TRIM67: variants seen among roughly 807,000 people sequenced by gnomAD.
The protein encoded by TRIM67 is tripartite motif-containing protein 67.
Under a neutral mutation model 71.0 loss-of-function variants are expected in TRIM67, and 39 were observed. The observed-to-expected ratio is 0.55, with a 90% CI of 0.43 to 0.72. The LOEUF (loss-of-function observed/expected upper bound fraction) is 0.72. Among genes scored for constraint, TRIM67 ranks in the 30% least tolerant of loss-of-function variants. TRIM67 has a pLI of 0.00. For synonymous variants in TRIM67, 481 were observed against 473.9 expected (o/e 1.01, Z -0.19); for missense variants, 973 against 1,079.2 (o/e 0.90, Z 1.38).
At position 231,213,726 on chromosome 1, in the gene TRIM67, G is replaced by C. The variant is rs1683933195; in HGVS notation, c.2124-89G>C. 3 of 1,444,332 alleles carry C rather than the reference G, an allele frequency of 2.1e-6. No homozygotes were observed. The Admixed American group carries it at 7.0e-5, about 34-fold the overall frequency. The allele number at this position is 1,444,332 out of a possible 1,614,324, so 89.5% of individuals were successfully genotyped here. On this transcript the variant is annotated intron_variant, in intron 8 of 9. Coordinates refer to ENST00000366653, the MANE Select transcript of TRIM67 (RefSeq NM_001004342.5). ...AGCCTGGGTGACAGAGTGAGACCGTGTCTCTAAATAAGTAAATAATTCTCC... is the reference window on the plus strand; with the variant it reads ...AGCCTGGGTGACAGAGTGAGACCGTCTCTCTAAATAAGTAAATAATTCTCC...
At position 231,209,330 on chromosome 1, in the gene TRIM67, C is replaced by T. The variant is rs1683802374; in HGVS notation, c.2123+80C>T. The T allele has an allele frequency of 2.8e-6, 4 of 1,412,974 alleles. 1 individual carries two copies. In the South Asian group the frequency reaches 4.7e-5, roughly 16 times the overall value. The allele number at this position is 1,412,974 out of a possible 1,614,324, so 87.5% of individuals were successfully genotyped here. A position where few individuals can be genotyped will look rare whatever the true frequency, so the allele number is the denominator to read the frequency against. On this transcript the variant is annotated intron_variant, in intron 8 of 9. Transcript: ENST00000366653. The surrounding 1 kb of genome is among the most constrained non-coding windows in gnomAD (Gnocchi z 4.1). ...GTCCTGAAGACCAGTGTCCCTTCTG[C>T]TGTCCCCAAAGCCAGGAGGAATTGA...
At chr1:231,188,351 T>C (rs1165240277) in intron 1 of TRIM67, among the ~76,000 whole-genome samples, 1 of 152,082 alleles carries the variant, frequency 6.6e-6, no homozygotes, top group East Asian at 1.9e-4. Flanking sequence ...ACATTTGAAA[T>C]CCTAATGAGC....
At chr1:231,185,267 G>C (rs1190470145) in intron 1 of TRIM67, 1 of 1,509,370 alleles carries the variant, frequency 6.6e-7, no homozygotes. Context: ...CTCACCCCTG[G>C]ACCAGCTCTC....
chr1:231,174,131 T>C lies in TRIM67; in HGVS notation c.1044+10118T>C, dbSNP rs191416238. 2.6e-3 allele frequency among the ~76,000 whole-genome samples: 397 copies of C among 150,806 alleles called. 3 individuals carry two copies. The highest frequency in any genetic ancestry group is 5.0e-3 in the Admixed American group (75 of 14,994). ...CACACAGTTCTTGGATGATCTCTTC[T>C]TTTTTCTTTTGTCTTATTTTCTTTT... On this transcript the variant is annotated intron_variant, in intron 1 of 9. Transcript: ENST00000366653.
At chr1:231,191,382 C>T (rs539450099) in intron 1 of TRIM67, among the ~76,000 whole-genome samples, 11 of 152,264 alleles carry the variant, frequency 7.2e-5, no homozygotes, top group South Asian at 4.1e-4. Context: ...TATCTTTATT[C>T]TGGTTACTGG....
chr1:231,198,814 G>T (rs772342720), intron 2 of TRIM67, among the ~76,000 whole-genome samples: 10 of 152,116 alleles, frequency 6.6e-5, no homozygotes, highest in Admixed American at 2.0e-4. Flanking sequence ...GGCATTAAAA[G>T]TGCCCTATGA....
chr1:231,176,922 A>AAAAAAAAC (rs1311729188), intron 1 of TRIM67, among the ~76,000 whole-genome samples: 1 of 148,134 alleles, frequency 6.8e-6, no homozygotes, highest in East Asian at 1.9e-4. Context: ...AAAAAAAAAA[A>AAAAAAAAC]ACACCTTTCA....
At chr1:231,164,234 G>A (rs373287792) in intron 1 of TRIM67, among the ~76,000 whole-genome samples, 17 of 152,226 alleles carry the variant, frequency 1.1e-4, no homozygotes, top group African/African-American at 4.1e-4. Flanking sequence ...GGTATGGAAA[G>A]ATGACTTATT....
At chr1:231,205,554 C>A (rs567739704) in intron 6 of TRIM67, among the ~76,000 whole-genome samples, 49 of 152,090 alleles carry the variant, frequency 3.2e-4, no homozygotes, top group African/African-American at 1.1e-3. Flanking sequence ...GGTGAAACCC[C>A]ATCTCTACTT....
chr1:231,211,913 A>T (rs1489358157), intron 8 of TRIM67, among the ~76,000 whole-genome samples: 1 of 152,132 alleles, frequency 6.6e-6, no homozygotes, highest in East Asian at 1.9e-4. Flanking sequence ...CGTCTCTATA[A>T]AATAATTTAA....
At chr1:231,169,475 G>A (rs2102713787) in intron 1 of TRIM67, among the ~76,000 whole-genome samples, 1 of 146,670 alleles carries the variant, frequency 6.8e-6, no homozygotes, top group Admixed American at 6.9e-5. Context: ...TGCCTCCTGG[G>A]TTCAAGTGAT....
intron 1 of TRIM67, among the ~76,000 whole-genome samples, chr1:231,196,921 G>A (rs1683381124): frequency 1.3e-5 from 2 of 152,210 alleles, no homozygotes; most frequent in South Asian, 4.1e-4. Flanking sequence ...GGCATACCAG[G>A]CCCCAGGGTT....
intron 1 of TRIM67, among the ~76,000 whole-genome samples, chr1:231,185,704 A>G (rs1166625484): frequency 6.6e-6 from 1 of 151,930 alleles, no homozygotes; most frequent in Admixed American, 6.5e-5. Context: ...GGACACAAAG[A>G]TGATTGAACG....
At chr1:231,182,167 C>T (rs1465226236) in intron 1 of TRIM67, among the ~76,000 whole-genome samples, 1 of 152,150 alleles carries the variant, frequency 6.6e-6, no homozygotes, top group African/African-American at 2.4e-5. Context: ...AGAAACTTCC[C>T]TGTCATCTTG....
chr1:231,171,634 C>T (rs946202199), intron 1 of TRIM67, among the ~76,000 whole-genome samples: 3 of 152,050 alleles, frequency 2.0e-5, no homozygotes. Context: ...TTGGAATTTC[C>T]TTTTGTGAAG....
intron 1 of TRIM67, among the ~76,000 whole-genome samples, chr1:231,188,432 G>A (rs761482008): frequency 2.6e-5 from 4 of 152,174 alleles, no homozygotes; most frequent in Non-Finnish European, 4.4e-5. Context: ...CACACAGAAT[G>A]CCAGGGACAA....
intron 1 of TRIM67, among the ~76,000 whole-genome samples, chr1:231,186,379 G>T (rs1571882190): frequency 6.6e-6 from 1 of 152,192 alleles, no homozygotes; most frequent in African/African-American, 2.4e-5. Context: ...TGCTAGGGTT[G>T]CCAGAGCAAA....
chr1:231,169,238 A>G (rs1293279625), intron 1 of TRIM67, among the ~76,000 whole-genome samples: 1 of 151,834 alleles, frequency 6.6e-6, no homozygotes, highest in Non-Finnish European at 1.5e-5. Flanking sequence ...TATTTTTAGT[A>G]GAGACAGGGT....
intron 1 of TRIM67, among the ~76,000 whole-genome samples, chr1:231,192,152 T>C (rs1186489093): frequency 2.6e-5 from 4 of 152,028 alleles, no homozygotes; most frequent in Non-Finnish European, 4.4e-5. Flanking sequence ...CCAGCCTGAG[T>C]GGCAGAGAAA....
Sources: gnomAD v4.1 joint callset for allele counts (sites outside exome capture counted in the v4.1 genomes callset) on GRCh38, gnomAD v4.1.1 for gene constraint, Gnocchi (gnomAD v3.1) non-coding constraint, MANE v1.5 for transcripts, NCBI Gene and HGNC (gene_info 2026-07-23, HGNC 2026-07-21) for gene names.